Variants in ST6GALNAC5 observed in about 807,000 individuals in gnomAD.
ST6GALNAC5 encodes alpha-N-acetylgalactosaminide alpha-2,6-sialyltransferase 5.
A neutral mutation model predicts 33.6 loss-of-function variants in ST6GALNAC5; 27 were observed. The observed-to-expected ratio is 0.80, with a 90% CI of 0.59 to 1.11. The LOEUF is 1.11. Ranked by LOEUF, ST6GALNAC5 falls within the 50% of genes least tolerant of loss-of-function variation. The pLI is 0.00. For synonymous variants in ST6GALNAC5, 194 were observed against 171.2 expected (o/e 1.13, Z -1.04); for missense variants, 428 against 454.0 (o/e 0.94, Z 0.52).
intron 2 of ST6GALNAC5, among the ~76,000 whole-genome samples, chr1:76,877,687 G>A (rs939934728): frequency 6.6e-6 from 1 of 152,222 alleles, no homozygotes; most frequent in African/African-American, 2.4e-5. Flanking sequence ...GCTACTTCTT[G>A]CTCACTGGAT....
intron 4 of ST6GALNAC5, among the ~76,000 whole-genome samples, chr1:77,051,599 G>T (rs1652221697): frequency 6.6e-6 from 1 of 152,216 alleles, no homozygotes; most frequent in Non-Finnish European, 1.5e-5. Flanking sequence ...GCTAATACAT[G>T]TGAAATGCTT....
intron 2 of ST6GALNAC5, among the ~76,000 whole-genome samples, chr1:76,973,365 T>C (rs1041915938): frequency 6.6e-6 from 1 of 151,978 alleles, no homozygotes; most frequent in African/African-American, 2.4e-5. Context: ...GTAGTTCCAG[T>C]ATGAAGATTG....
intron 4 of ST6GALNAC5, among the ~76,000 whole-genome samples, chr1:77,054,140 T>C (rs944415738): frequency 2.6e-5 from 4 of 152,240 alleles, no homozygotes; most frequent in Non-Finnish European, 5.9e-5. Context: ...GTCTCTGCCT[T>C]CAGTTGCCTG....
chr1:76,970,799 A>T (rs1211919277), intron 2 of ST6GALNAC5, among the ~76,000 whole-genome samples: 1 of 152,192 alleles, frequency 6.6e-6, no homozygotes, highest in Non-Finnish European at 1.5e-5. Flanking sequence ...TATCATTAAG[A>T]ATCATGTGTT....
rs1652812165 is a variant in ST6GALNAC5 at position 77,067,303 on chromosome 1, G to A, written c.*4097G>A. On this transcript the variant is annotated 3_prime_UTR_variant, in exon 5 of 5. Coordinates refer to ENST00000477717, the MANE Select transcript of ST6GALNAC5 (RefSeq NM_030965.3). ...GTAGCTCACTCATCCCACCTTCTCA[G>A]GGTGTTGAAATGCAAATGCAAAAAG... 6.6e-6 allele frequency among the ~76,000 whole-genome samples: 1 copy of A among 152,212 alleles called. No homozygotes were observed. The highest frequency in any genetic ancestry group is 6.5e-5 in the Admixed American group (1 of 15,278).
chr1:77,009,009 G>A (rs192803732), intron 2 of ST6GALNAC5, among the ~76,000 whole-genome samples: 36 of 152,302 alleles, frequency 2.4e-4, no homozygotes, highest in African/African-American at 7.9e-4. Context: ...CCATTTGTGT[G>A]TAGCCAGTCA....
intron 2 of ST6GALNAC5, among the ~76,000 whole-genome samples, chr1:76,893,231 G>A (rs1264295961): frequency 2.0e-5 from 3 of 152,162 alleles, no homozygotes; most frequent in Admixed American, 6.6e-5. Flanking sequence ...AGGAAAGAAA[G>A]AGGAAGGGTG....
chr1:77,044,644 G>A (rs765704240), intron 3 of ST6GALNAC5, 31 bp downstream of exon 3: 2 of 1,518,856 alleles, frequency 1.3e-6, no homozygotes, highest in South Asian at 2.6e-5. Flanking sequence ...AGATGCAGGG[G>A]AGGGTGAGGA....
chr1:76,948,661 ATAAG>A (rs1183098437), intron 2 of ST6GALNAC5, among the ~76,000 whole-genome samples: 1 of 149,964 alleles, frequency 6.7e-6, no homozygotes, highest in East Asian at 2.0e-4. Flanking sequence ...TATATTTGGA[ATAAG>A]TAAGAATATA....
chr1:76,951,699 A>G (rs1264685632), intron 2 of ST6GALNAC5, among the ~76,000 whole-genome samples: 2 of 152,124 alleles, frequency 1.3e-5, no homozygotes, highest in Non-Finnish European at 2.9e-5. Context: ...GTTTAAGCTT[A>G]TTATTAATTT....
intron 2 of ST6GALNAC5, among the ~76,000 whole-genome samples, chr1:77,011,509 G>A (rs1208255588): frequency 1.3e-5 from 2 of 152,122 alleles, no homozygotes; most frequent in Non-Finnish European, 2.9e-5. Flanking sequence ...CAAGGTTTGG[G>A]AATTACAGTC....
intron 2 of ST6GALNAC5, among the ~76,000 whole-genome samples, chr1:76,945,714 A>T (rs1239536473): frequency 6.6e-6 from 1 of 152,134 alleles, no homozygotes; most frequent in Non-Finnish European, 1.5e-5. Flanking sequence ...CTAATTAGCA[A>T]GTTTCCCTCC....
Position 76,873,259 on chromosome 1 carries a change from A to T in ST6GALNAC5, c.261+4517A>T, listed in dbSNP as rs575206328. Among the ~76,000 whole-genome samples the T allele has an allele frequency of 2.0e-5, 3 of 152,322 alleles. No homozygotes were observed. The East Asian group carries it at 5.8e-4, about 29-fold the overall frequency. On this transcript the variant is annotated intron_variant, in intron 2 of 4. Coordinates refer to ENST00000477717, the MANE Select transcript of ST6GALNAC5 (RefSeq NM_030965.3). ...GTCACATGTCATCTTCTTATGGACC[A>T]CATTCTTTAACTAGCCCCTCCTCAA...
intron 2 of ST6GALNAC5, among the ~76,000 whole-genome samples, chr1:77,001,659 C>A (rs1237336046): frequency 6.6e-6 from 1 of 151,828 alleles, no homozygotes; most frequent in Non-Finnish European, 1.5e-5. Context: ...TTTGAAATAC[C>A]TCCCATCAAT....
chr1:76,996,071 T>C (rs1649927555), intron 2 of ST6GALNAC5, among the ~76,000 whole-genome samples: 1 of 152,198 alleles, frequency 6.6e-6, no homozygotes, highest in Non-Finnish European at 1.5e-5. Flanking sequence ...ATTATAAAGG[T>C]GACAAGCATG....
At chr1:76,974,160 A>T (rs927730428) in intron 2 of ST6GALNAC5, among the ~76,000 whole-genome samples, 1 of 151,810 alleles carries the variant, frequency 6.6e-6, no homozygotes, top group Non-Finnish European at 1.5e-5. Flanking sequence ...TCATTTCTAA[A>T]AATGTAGTAT....
At chr1:76,983,043 G>C (rs547745745) in intron 2 of ST6GALNAC5, among the ~76,000 whole-genome samples, 2 of 152,102 alleles carry the variant, frequency 1.3e-5, no homozygotes, top group South Asian at 4.2e-4. Flanking sequence ...ACCAGTACCA[G>C]CCACTGCAAA....
chr1:76,873,529 G>C (rs527851283), intron 2 of ST6GALNAC5, among the ~76,000 whole-genome samples: 2 of 152,156 alleles, frequency 1.3e-5, no homozygotes, highest in African/African-American at 4.8e-5. Context: ...AGGTGGAGGA[G>C]AGAAGGACAG....
chr1:76,913,905 C>T (rs954625821), intron 2 of ST6GALNAC5, among the ~76,000 whole-genome samples: 1 of 152,124 alleles, frequency 6.6e-6, no homozygotes, highest in Non-Finnish European at 1.5e-5. Context: ...GTCAAATTGT[C>T]CCTGTTTGCA....
Sources: allele counts gnomAD v4.1 joint callset (sites outside exome capture counted in the v4.1 genomes callset), GRCh38; gene constraint gnomAD v4.1.1; transcripts MANE v1.5; gene names NCBI Gene and HGNC (gene_info 2026-07-23, HGNC 2026-07-21).